Variants in UGGT1 observed in about 807,000 individuals in gnomAD.
The protein encoded by UGGT1 is UDP-glucose:glycoprotein glucosyltransferase 1.
A neutral mutation model predicts 203.9 loss-of-function variants in UGGT1; 107 were observed. That is an observed-to-expected ratio of 0.52 (90% confidence interval 0.45 to 0.62). The LOEUF (loss-of-function observed/expected upper bound fraction) is 0.62, where lower values mean the gene tolerates loss of function less well. Among genes scored for constraint, UGGT1 ranks in the 20% least tolerant of loss-of-function variants. The probability of loss-of-function intolerance (pLI) is 0.00; values close to 1 mark genes in which losing one functional copy is unlikely to be tolerated. For synonymous variants in UGGT1, 628 were observed against 653.5 expected (o/e 0.96, Z 0.59); for missense variants, 1,673 against 1,867.2 (o/e 0.90, Z 1.92).
chr2:128,182,698 C>CAAAAAAAAAAAAAA (rs70988612), intron 37 of UGGT1, among the ~76,000 whole-genome samples: 1 of 118,284 alleles, frequency 8.5e-6, no homozygotes, highest in Non-Finnish European at 1.7e-5. Flanking sequence ...GATTCCATCT[C>CAAAAAAAAAAAAAA]AAAAAAAAAA....
rs751193606 is a variant in UGGT1 at position 128,160,516 on chromosome 2, T to C, written c.2619T>C (p.Ile873=). 1.9e-6 allele frequency: 3 copies of C among 1,613,058 alleles called. No individual in the cohort carries two copies. Among genetic ancestry groups the C allele is most frequent in the Non-Finnish European group, 2.5e-6 (3 of 1,179,724 alleles). The part of the protein sequence containing the change: ...EVFESSKMDF[I]LSHAVYCRDV... ...TTGAGTCTTCCAAAATGGATTTCAT[T>C]TTGTCTCATGCCGTGTACTGCAGGG... The change falls in exon 24 of 41, where the codon ATT becomes ATC. Residue 873 remains isoleucine (I), a synonymous_variant. Coordinates refer to ENST00000259253, the MANE Select transcript of UGGT1 (RefSeq NM_020120.4).
intron 5 of UGGT1, among the ~76,000 whole-genome samples, chr2:128,112,428 A>G (rs1176220847): frequency 8.0e-6 from 1 of 124,922 alleles, no homozygotes; most frequent in Non-Finnish European, 1.7e-5. Context: ...CTCCAAAAAA[A>G]AAAAAACCCC....
At chr2:128,152,683 G>A (rs552994113) in intron 18 of UGGT1, 101 bp from the exon 19 acceptor site, 2 of 1,463,292 alleles carry the variant, frequency 1.4e-6, no homozygotes, top group East Asian at 4.6e-5. Flanking sequence ...TAGCACAGAG[G>A]AAGCCATTTA....
chr2:128,132,301 A>T (rs1688916521), intron 13 of UGGT1, among the ~76,000 whole-genome samples: 1 of 151,492 alleles, frequency 6.6e-6, no homozygotes, highest in Non-Finnish European at 1.5e-5. Flanking sequence ...TAATCCCAGC[A>T]CTTTGGGAGG....
At chr2:128,174,290 A>G (rs1691262750) in intron 30 of UGGT1, among the ~76,000 whole-genome samples, 1 of 150,648 alleles carries the variant, frequency 6.6e-6, no homozygotes, top group Non-Finnish European at 1.5e-5. Context: ...TATTGGTGTG[A>G]CTGGCCTTTA....
At chr2:128,111,969 G>A (rs1687877689) in intron 5 of UGGT1, among the ~76,000 whole-genome samples, 1 of 149,918 alleles carries the variant, frequency 6.7e-6, no homozygotes, top group Non-Finnish European at 1.5e-5. Context: ...CAAAACCCAT[G>A]TCTACAAAAT....
At chr2:128,182,083 G>T in intron 36 of UGGT1, 47 bp from the exon 37 acceptor site, 7 of 1,592,406 alleles carry the variant, frequency 4.4e-6, no homozygotes, top group Non-Finnish European at 6.0e-6. Context: ...AACCGCATTA[G>T]AGCTGTCTGC....
intron 5 of UGGT1, among the ~76,000 whole-genome samples, chr2:128,110,743 GTTTTAT>G (rs950416362): frequency 1.3e-5 from 2 of 152,142 alleles, no homozygotes; most frequent in Non-Finnish European, 2.9e-5. Flanking sequence ...CATGTAGGTA[GTTTTAT>G]TTTTATAAAA....
rs1690701722 is a variant in UGGT1, at chr2:128,164,765, T to C, written c.2861T>C (p.Leu954Pro). Residue 954 changes from leucine to proline, a missense_variant, in exon 26 of 41, where the codon CTG becomes CCG. Coordinates refer to ENST00000259253, the MANE Select transcript of UGGT1 (RefSeq NM_020120.4). ...TTGGTAATGAAGGTGGATGCTCTTC[T>C]GTCAGCGCAACCAAAAGGAGATCCA... ...SDLVMKVDAL[L>P]SAQPKGDPRI... 2 of 1,613,664 alleles carry C rather than the reference T, an allele frequency of 1.2e-6. No homozygotes were observed. Among genetic ancestry groups the C allele is most frequent in the Non-Finnish European group, 1.7e-6 (2 of 1,179,778 alleles).
intron 22 of UGGT1, among the ~76,000 whole-genome samples, chr2:128,159,093 CTTTTTTTTTTT>C (rs753907632): frequency 9.1e-6 from 1 of 110,466 alleles, no homozygotes; most frequent in East Asian, 2.7e-4. Flanking sequence ...CTATCTGAGA[CTTTTTTTTTTT>C]TTTTTTTTTT....
chr2:128,175,642 A>G (rs1378135588), intron 31 of UGGT1, among the ~76,000 whole-genome samples: 1 of 152,262 alleles, frequency 6.6e-6, no homozygotes, highest in Non-Finnish European at 1.5e-5. Context: ...CATTGTAAAC[A>G]GTAGAAGGTT....
Position 128,138,858 on chromosome 2 carries a change from T to A in UGGT1, c.1719+6T>A. On this transcript the variant is annotated splice_donor_region_variant and intron_variant, in intron 16 of 40. Transcript: ENST00000259253. Reference sequence around the variant, plus strand: ...CCTTCCAGACTCTGACACATGTACGTTTTTGTTCAGAATGGCAAATAATTT... The same window carrying A: ...CCTTCCAGACTCTGACACATGTACGATTTTGTTCAGAATGGCAAATAATTT... The A allele has an allele frequency of 1.2e-6, 2 of 1,611,180 alleles. No homozygotes were observed. Among genetic ancestry groups the A allele is most frequent in the Non-Finnish European group, 1.7e-6 (2 of 1,179,296 alleles).
Position 128,091,389 on chromosome 2 carries a change from G to C in UGGT1, c.32G>C (p.Cys11Ser). Residue 11 changes from cysteine to serine, a missense_variant, in exon 1 of 41, where the codon TGT (cysteine) becomes TCT (serine). By Grantham distance (112) the Cys-to-Ser change is moderately radical. Transcript: ENST00000259253. ...TGCAAGGGAGACGCGAGCGGTGCGT[G>C]TGCCGCGGGTGCGCTGCCGGTGACA... MGCKGDASGA[C>S]AAGALPVTGV... The C allele has an allele frequency of 6.3e-7, 1 of 1,577,326 alleles. No individual in the cohort carries two copies. Among genetic ancestry groups the C allele is most frequent in the Admixed American group, 1.8e-5 (1 of 54,554 alleles).
At chr2:128,170,476 G>T in intron 27 of UGGT1, 86 bp downstream of exon 27, 1 of 1,195,326 alleles carries the variant, frequency 8.4e-7, no homozygotes, top group South Asian at 1.3e-5. Context: ...CGTTTTCCTT[G>T]AGTTGCCTTC....
chr2:128,146,944 C>G (rs551850491), intron 18 of UGGT1, among the ~76,000 whole-genome samples: 1 of 152,290 alleles, frequency 6.6e-6, no homozygotes, highest in South Asian at 2.1e-4. Context: ...TACCAGCCCC[C>G]AACCTGAGTC....
At chr2:128,183,827 G>T (rs754644879) in intron 38 of UGGT1, 38 bp downstream of exon 38, 11 of 1,485,440 alleles carry the variant, frequency 7.4e-6, no homozygotes, top group Non-Finnish European at 9.4e-7. Flanking sequence ...GTGAGTGACG[G>T]GTATACAGTG....
Position 128,091,367 on chromosome 2 carries a change from A to C in UGGT1, c.10A>C (p.Lys4Gln). 1.3e-6 allele frequency: 2 copies of C among 1,570,052 alleles called. No individual in the cohort carries two copies. Among genetic ancestry groups the C allele is most frequent in the Non-Finnish European group, 8.6e-7 (1 of 1,157,828 alleles). MGC[K>Q]GDASGACAAG... ...TGACCACGGCCCGGGCATGGGCTGC[A>C]AGGGAGACGCGAGCGGTGCGTGTGC... The change falls in exon 1 of 41, where the codon AAG (lysine) becomes CAG (glutamine). Residue 4 changes from lysine (K) to glutamine (Q), a missense_variant. Coordinates refer to ENST00000259253, the MANE Select transcript of UGGT1 (RefSeq NM_020120.4).
chr2:128,160,420 A>G (rs769664861), intron 23 of UGGT1, 40 bp from the exon 24 acceptor site: 1 of 1,564,904 alleles, frequency 6.4e-7, no homozygotes, highest in Non-Finnish European at 8.6e-7. Context: ...TGGTTTGCTT[A>G]GTAACGACTA....
intron 16 of UGGT1, among the ~76,000 whole-genome samples, chr2:128,142,882 G>T (rs1028218812): frequency 6.6e-6 from 1 of 151,362 alleles, no homozygotes; most frequent in African/African-American, 2.4e-5. Flanking sequence ...TCTGGAGGCT[G>T]AGACAGGAGA....
Sources: allele counts gnomAD v4.1 joint callset (sites outside exome capture counted in the v4.1 genomes callset), GRCh38; gene constraint gnomAD v4.1.1; transcripts MANE v1.5; gene names NCBI Gene and HGNC (gene_info 2026-07-23, HGNC 2026-07-21).